Variants in TRDN observed in about 807,000 individuals in gnomAD.
The protein encoded by TRDN is triadin in skeletal muscle.
In TRDN, 161 loss-of-function variants were observed where a neutral mutation model predicts 149.7. The observed-to-expected ratio is 1.08, with a 90% CI of 0.95 to 1.23. The LOEUF (loss-of-function observed/expected upper bound fraction) is 1.23. Among genes scored for constraint, TRDN ranks in the 50% most tolerant of loss-of-function variants. The pLI is 0.00. For missense variants in TRDN, 896 were observed against 823.5 expected (o/e 1.09, Z -1.08); for synonymous variants, 294 against 250.5 (o/e 1.17, Z -1.64).
At chr6:123,588,480 C>G (rs530827716) in intron 1 of TRDN, among the ~76,000 whole-genome samples, 106 of 152,250 alleles carry the variant, frequency 7.0e-4, no homozygotes, top group African/African-American at 2.4e-3. Context: ...TTGGAGTTCC[C>G]TGGGCAGAGA....
intron 12 of TRDN, among the ~76,000 whole-genome samples, chr6:123,403,672 A>G (rs925753485): frequency 8.5e-5 from 13 of 152,308 alleles, no homozygotes; most frequent in African/African-American, 2.9e-4. Flanking sequence ...TAGCAGGAAT[A>G]CACAGCTGTT....
intron 38 of TRDN, among the ~76,000 whole-genome samples, chr6:123,233,714 C>T (rs760560049): frequency 2.6e-5 from 4 of 151,962 alleles, no homozygotes; most frequent in African/African-American, 9.7e-5. Context: ...AATTTTTTCT[C>T]CTAAAACAAA....
At chr6:123,225,450 A>C (rs1775317968) in intron 38 of TRDN, among the ~76,000 whole-genome samples, 1 of 151,682 alleles carries the variant, frequency 6.6e-6, no homozygotes, top group African/African-American at 2.4e-5. Flanking sequence ...CCAAATATTT[A>C]TCAAATATAT....
chr6:123,523,870 T>C (rs907258328), intron 5 of TRDN, among the ~76,000 whole-genome samples: 1 of 151,922 alleles, frequency 6.6e-6, no homozygotes, highest in African/African-American at 2.4e-5. Context: ...AAACAGAGGG[T>C]GCAGGCCCCA....
intron 21 of TRDN, chr6:123,351,503 A>G: frequency 1.0e-6 from 1 of 983,416 alleles, no homozygotes; most frequent in Non-Finnish European, 1.2e-6. Flanking sequence ...CAGAGTCCCC[A>G]GAAGCCAGAA....
At chr6:123,484,226 T>C (rs1750695224) in intron 9 of TRDN, among the ~76,000 whole-genome samples, 1 of 152,162 alleles carries the variant, frequency 6.6e-6, no homozygotes, top group South Asian at 2.1e-4. Context: ...ATCAAAATTT[T>C]AGGTATGGGC....
intron 10 of TRDN, among the ~76,000 whole-genome samples, chr6:123,461,775 GA>G (rs1470903241): frequency 6.6e-6 from 1 of 152,124 alleles, no homozygotes; most frequent in Non-Finnish European, 1.5e-5. Context: ...AAAAACATTT[GA>G]TGATAAAGGA....
chr6:123,427,217 T>TTA lies in TRDN; in HGVS notation c.1051+10844_1051+10845dup, dbSNP rs144990803. ...TCAGAAGAGATGGTGTCAGCTCAGG[T>TTA]TATATATAGTGAACATTTACTATGG... On this transcript the variant is annotated intron_variant, in intron 12 of 40. Transcript: ENST00000334268. Among the ~76,000 whole-genome samples, 466 of 151,842 alleles carry TTA rather than the reference T, an allele frequency of 3.1e-3. 14 individuals carry two copies. In the East Asian group the frequency reaches 0.077, roughly 25 times the overall value.
rs754587419 is a variant in TRDN, at chr6:123,516,208, T to C, written c.485-2A>G. 6.7e-6 allele frequency: 10 copies of C among 1,482,180 alleles called. No homozygotes were observed. The South Asian group carries it at 1.0e-4, about 15-fold the overall frequency. 91.8% of individuals were successfully genotyped at this position (1,482,180 alleles called of 1,614,324 possible). ...CTTTTTCTTTTTCTTTGTGTGTAACTGAAAAGAAACAGATAAATAGTTTTC... is the reference window on the plus strand; with the variant it reads ...CTTTTTCTTTTTCTTTGTGTGTAACCGAAAAGAAACAGATAAATAGTTTTC... On this transcript the variant is annotated splice_acceptor_variant, in intron 5 of 40. Coordinates refer to ENST00000334268, the MANE Select transcript of TRDN (RefSeq NM_006073.4). LOFTEE classifies it high-confidence loss of function.
intron 12 of TRDN, among the ~76,000 whole-genome samples, chr6:123,425,084 G>A (rs983470121): frequency 5.9e-5 from 9 of 152,040 alleles, no homozygotes; most frequent in South Asian, 2.1e-4. Flanking sequence ...TATTTCAAAG[G>A]TGAAAGTGAG....
chr6:123,507,727 T>C (rs935693238), intron 7 of TRDN, among the ~76,000 whole-genome samples: 1 of 152,206 alleles, frequency 6.6e-6, no homozygotes, highest in African/African-American at 2.4e-5. Flanking sequence ...GAAGGCATTT[T>C]ATTCATGACT....
At chr6:123,393,810 G>T in intron 12 of TRDN, 133 bp from the exon 13 acceptor site, 1 of 773,084 alleles carries the variant, frequency 1.3e-6, no homozygotes, top group South Asian at 1.9e-5. Context: ...TTTTTGTTAA[G>T]ACATAAACTT....
chr6:123,409,488 A>G (rs932558774), intron 12 of TRDN, among the ~76,000 whole-genome samples: 18 of 152,332 alleles, frequency 1.2e-4, no homozygotes, highest in Middle Eastern at 3.4e-3. Flanking sequence ...GAGGTGACAT[A>G]TGTAAAGTAC....
chr6:123,564,893 C>A (rs1430624218), intron 2 of TRDN, among the ~76,000 whole-genome samples: 1 of 152,160 alleles, frequency 6.6e-6, no homozygotes, highest in African/African-American at 2.4e-5. Context: ...GCTGGTACAA[C>A]CATGTAATGA....
intron 9 of TRDN, among the ~76,000 whole-genome samples, chr6:123,478,320 T>C (rs560569412): frequency 6.6e-6 from 1 of 152,282 alleles, no homozygotes; most frequent in Non-Finnish European, 1.5e-5. Flanking sequence ...ACTTGATATA[T>C]CCCACAGAAG....
chr6:123,447,787 A>T (rs1775481018), intron 10 of TRDN, among the ~76,000 whole-genome samples: 2 of 151,356 alleles, frequency 1.3e-5, no homozygotes, highest in South Asian at 4.2e-4. Context: ...AAAAAAAAAA[A>T]GGTCGTTGTG....
At chr6:123,559,968 TTACCTGGGCTG>T (rs1781892420) in intron 2 of TRDN, among the ~76,000 whole-genome samples, 1 of 152,160 alleles carries the variant, frequency 6.6e-6, no homozygotes, top group African/African-American at 2.4e-5. Flanking sequence ...GCTCAGCGAA[TTACCTGGGCTG>T]TACTGCCACA....
chr6:123,364,727 C>T (rs1370295314), intron 20 of TRDN, among the ~76,000 whole-genome samples: 1 of 152,108 alleles, frequency 6.6e-6, no homozygotes, highest in Non-Finnish European at 1.5e-5. Flanking sequence ...TTGCTTTTAG[C>T]TTTGTCTAAT....
At chr6:123,414,856 A>G (rs572070066) in intron 12 of TRDN, among the ~76,000 whole-genome samples, 1 of 152,288 alleles carries the variant, frequency 6.6e-6, no homozygotes, top group South Asian at 2.1e-4. Context: ...ATGTAATGAT[A>G]ATACAATTTT....
Sources: allele counts gnomAD v4.1 joint callset (sites outside exome capture counted in the v4.1 genomes callset), GRCh38; gene constraint gnomAD v4.1.1; transcripts MANE v1.5; gene names NCBI Gene and HGNC (gene_info 2026-07-23, HGNC 2026-07-21).